Variants in MAPKAPK5 observed in about 807,000 individuals in gnomAD.
MAPKAPK5 encodes the protein MAPK activated protein kinase 5.
MAPKAPK5 carries 30 observed loss-of-function variants against 65.1 expected under a neutral mutation model. The observed-to-expected ratio is 0.46, with a 90% confidence interval of 0.34 to 0.63. The LOEUF (loss-of-function observed/expected upper bound fraction) is 0.63, where lower values mean the gene tolerates loss of function less well. MAPKAPK5 is among the 20% of genes least tolerant of loss of function. MAPKAPK5 has a pLI of 0.01. For missense variants in MAPKAPK5, 433 were observed against 581.4 expected (o/e 0.74, Z 2.63); for synonymous variants, 179 against 204.6 (o/e 0.87, Z 1.07).
chr12:111,860,085 T>G (rs1316134004), intron 1 of MAPKAPK5, among the ~76,000 whole-genome samples: 3 of 152,156 alleles, frequency 2.0e-5, no homozygotes, highest in Non-Finnish European at 4.4e-5. Flanking sequence ...GAAAATAAAA[T>G]ATTTTCATTT....
At chr12:111,892,630 T>TC (rs2070653552) in intron 13 of MAPKAPK5, among the ~76,000 whole-genome samples, 1 of 152,230 alleles carries the variant, frequency 6.6e-6, no homozygotes, top group African/African-American at 2.4e-5. Flanking sequence ...CCATTTTTTT[T>TC]CACTGAGTTG....
chr12:111,888,298 C>T (rs2070482320), intron 10 of MAPKAPK5, 190 bp from the exon 11 acceptor site: 2 of 638,400 alleles, frequency 3.1e-6, no homozygotes, highest in South Asian at 4.4e-5. Flanking sequence ...CTTTGGTTGG[C>T]CTGGTGTTTC....
intron 7 of MAPKAPK5, among the ~76,000 whole-genome samples, chr12:111,874,511 G>A (rs1224629863): frequency 1.7e-5 from 2 of 120,788 alleles, no homozygotes; most frequent in Non-Finnish European, 3.3e-5. Flanking sequence ...ACTCTTTGTT[G>A]CCCAGGCTGG....
rs1170827377 is a variant in MAPKAPK5 at position 111,889,970 on chromosome 12, T to G, written c.1217-70T>G. 3 of 942,980 alleles carry G rather than the reference T, an allele frequency of 3.2e-6. No individual in the cohort carries two copies. In the East Asian group the frequency reaches 7.9e-5, roughly 25 times the overall value. 58.4% of individuals were successfully genotyped at this position (942,980 alleles called of 1,614,324 possible). A position where few individuals can be genotyped will look rare whatever the true frequency, so the allele number is the denominator to read the frequency against. ...TTCAACCAGTTGGACATCACGTCCC[T>G]CCATCTCTCACACTAAAACCCCATG... On this transcript the variant is annotated intron_variant, in intron 12 of 13. Transcript: ENST00000550735.
chr12:111,880,313 T>C (rs2070151604), intron 7 of MAPKAPK5, 134 bp from the exon 8 acceptor site: 1 of 715,720 alleles, frequency 1.4e-6, no homozygotes, highest in Admixed American at 2.3e-5. Flanking sequence ...AAGTGTAGTG[T>C]TTATGTGGAG....
chr12:111,873,348 G>A (rs926412080), intron 7 of MAPKAPK5, among the ~76,000 whole-genome samples: 4 of 152,016 alleles, frequency 2.6e-5, no homozygotes, highest in Non-Finnish European at 4.4e-5. Flanking sequence ...TTGTTTGTTT[G>A]TTTGTTTTTG....
intron 1 of MAPKAPK5, among the ~76,000 whole-genome samples, chr12:111,863,884 C>T (rs2069521292): frequency 6.6e-6 from 1 of 152,050 alleles, no homozygotes; most frequent in African/African-American, 2.4e-5. Context: ...GGATTACAGG[C>T]ATGAGCCACT....
chr12:111,875,877 T>C (rs942998782), intron 7 of MAPKAPK5, among the ~76,000 whole-genome samples: 9 of 152,012 alleles, frequency 5.9e-5, no homozygotes, highest in African/African-American at 2.2e-4. Context: ...TTCCGAATAA[T>C]TGGTTAACCT....
intron 1 of MAPKAPK5, among the ~76,000 whole-genome samples, chr12:111,851,694 G>A (rs2069089379): frequency 6.6e-6 from 1 of 152,194 alleles, no homozygotes; most frequent in Admixed American, 6.5e-5. Flanking sequence ...AGAGAATCCT[G>A]ATAGAATGTA....
At chr12:111,888,779 G>C in intron 11 of MAPKAPK5, 106 bp from the exon 12 acceptor site, 1 of 1,520,116 alleles carries the variant, frequency 6.6e-7, no homozygotes, top group Non-Finnish European at 8.9e-7. Context: ...GGACACTATT[G>C]TTATTTTTCT....
chr12:111,861,437 TC>T (rs1410719803), intron 1 of MAPKAPK5, among the ~76,000 whole-genome samples: 1 of 152,052 alleles, frequency 6.6e-6, no homozygotes, highest in Non-Finnish European at 1.5e-5. Context: ...CAAGCGATTC[TC>T]CTGCCTCAAC....
At chr12:111,850,923 G>A (rs1335871582) in intron 1 of MAPKAPK5, among the ~76,000 whole-genome samples, 1 of 149,340 alleles carries the variant, frequency 6.7e-6, no homozygotes, top group Non-Finnish European at 1.5e-5. Context: ...TTTTTGAGAG[G>A]AGTCTCGCTC....
intron 7 of MAPKAPK5, 51 bp downstream of exon 7, chr12:111,871,231 A>T: frequency 6.8e-7 from 1 of 1,467,234 alleles, no homozygotes; most frequent in Non-Finnish European, 9.5e-7. Context: ...CTGCCCATCA[A>T]CTCGTGTTCC....
intron 7 of MAPKAPK5, among the ~76,000 whole-genome samples, chr12:111,873,247 G>A (rs986022781): frequency 6.6e-6 from 1 of 152,080 alleles, no homozygotes; most frequent in African/African-American, 2.4e-5. Flanking sequence ...GTGTCAAGTT[G>A]TTGCAGCATC....
intron 10 of MAPKAPK5, 175 bp from the exon 11 acceptor site, chr12:111,888,313 T>A: frequency 1.3e-6 from 1 of 789,292 alleles, no homozygotes; most frequent in African/African-American, 1.8e-5. Context: ...TGTTTCCTGG[T>A]TCCTGTTGAT....
At chr12:111,853,061 A>G (rs2069132755) in intron 1 of MAPKAPK5, among the ~76,000 whole-genome samples, 1 of 152,190 alleles carries the variant, frequency 6.6e-6, no homozygotes. Flanking sequence ...GGCATGAGCC[A>G]CTGTGTCCAG....
intron 3 of MAPKAPK5, 70 bp from the exon 4 acceptor site, chr12:111,867,502 A>G (rs994060252): frequency 6.6e-6 from 7 of 1,066,624 alleles, no homozygotes; most frequent in Admixed American, 3.5e-5. Flanking sequence ...TGTACCTAGT[A>G]TGGTCAGTTT....
intron 10 of MAPKAPK5, 122 bp from the exon 11 acceptor site, chr12:111,888,366 C>A: frequency 1.5e-6 from 2 of 1,355,684 alleles, no homozygotes; most frequent in Non-Finnish European, 2.0e-6. Context: ...ATTTATATTC[C>A]TTCAGCATAA....
At chr12:111,874,256 G>A (rs944706346) in intron 7 of MAPKAPK5, among the ~76,000 whole-genome samples, 4 of 151,786 alleles carry the variant, frequency 2.6e-5, no homozygotes, top group African/African-American at 9.7e-5. Context: ...TTTGCTGGGC[G>A]TAGTAGCCGG....
Sources: allele counts gnomAD v4.1 joint callset (sites outside exome capture counted in the v4.1 genomes callset), GRCh38; gene constraint gnomAD v4.1.1; transcripts MANE v1.5; gene names NCBI Gene and HGNC (gene_info 2026-07-23, HGNC 2026-07-21).